Variants in PARD3 observed in about 807,000 individuals in gnomAD.
The protein encoded by PARD3 is partitioning defective 3 homolog.
In PARD3, 75 loss-of-function variants were observed where a neutral mutation model predicts 155.4. The ratio of observed to expected loss-of-function variants is 0.48; its 90% CI spans 0.40 to 0.58. The LOEUF (loss-of-function observed/expected upper bound fraction) is 0.58. PARD3 is among the 20% of genes least tolerant of loss of function. PARD3 has a pLI of 0.00. For missense variants in PARD3, 1,642 were observed against 1,721.7 expected, an observed-to-expected ratio of 0.95 and a Z score of 0.82; for synonymous variants, 576 against 610.5, an observed-to-expected ratio of 0.94 and a Z score of 0.83.
At chr10:34,317,440 G>A in intron 19 of PARD3, 102 bp from the exon 20 acceptor site, 1 of 1,223,048 alleles carries the variant, frequency 8.2e-7, no homozygotes. Flanking sequence ...CACTTTTACT[G>A]CAGTATGGCC....
At chr10:34,522,702 T>A (rs1013131142) in intron 2 of PARD3, among the ~76,000 whole-genome samples, 1 of 152,172 alleles carries the variant, frequency 6.6e-6, no homozygotes, top group South Asian at 2.1e-4. Context: ...ATGTTCAACA[T>A]AGATATGGCA....
chr10:34,520,212 G>T (rs1236553199), intron 2 of PARD3, among the ~76,000 whole-genome samples: 2 of 151,856 alleles, frequency 1.3e-5, no homozygotes, highest in Non-Finnish European at 2.9e-5. Flanking sequence ...ATTTATCATC[G>T]ACACAACAAA....
At chr10:34,609,555 T>C (rs7098167) in intron 2 of PARD3, among the ~76,000 whole-genome samples, 9,142 of 152,218 alleles carry the variant, frequency 0.06, 860 homozygotes, top group African/African-American at 0.2. Context: ...TCTTTTTGTT[T>C]GTTTAGAGAC....
chr10:34,463,793 ACTT>A (rs1169354592), intron 4 of PARD3, among the ~76,000 whole-genome samples: 3 of 152,238 alleles, frequency 2.0e-5, no homozygotes, highest in Non-Finnish European at 1.5e-5. Context: ...TTTTTACTAT[ACTT>A]CTTCTATGTT....
At chr10:34,573,762 CACACACACACACACACACACACAG>C (rs2086658493) in intron 2 of PARD3, among the ~76,000 whole-genome samples, 3 of 151,644 alleles carry the variant, frequency 2.0e-5, no homozygotes, top group African/African-American at 7.3e-5. Flanking sequence ...CACACACACA[CACACACACACACACACACACACAG>C]AGAATCAGCC....
Position 34,375,053 on chromosome 10 carries a change from A to AACACACACAC in PARD3, c.1540-61_1540-52dup, listed in dbSNP as rs35263377. Reference sequence around the variant, plus strand: ...TGTAATCCTGTGGAAACAACAGGAAAACACACACACACACACACACACACA... The same window carrying AACACACACAC: ...TGTAATCCTGTGGAAACAACAGGAAAACACACACACACACACACACACACACACACACACA... On this transcript the variant is annotated intron_variant, in intron 10 of 24. Coordinates refer to ENST00000374788, the MANE Select transcript of PARD3 (RefSeq NM_001184785.2). 6.1e-3 allele frequency: 4,785 copies of AACACACACAC among 783,154 alleles called. 96 individuals are homozygous for AACACACACAC. The African/African-American group carries it at 0.062, about 10-fold the overall frequency. The allele number at this position is 783,154 out of a possible 1,614,324, so 48.5% of individuals were successfully genotyped here. A position where few individuals can be genotyped will look rare whatever the true frequency, so the allele number is the denominator to read the frequency against.
At chr10:34,233,819 C>G (rs772383265) in intron 22 of PARD3, among the ~76,000 whole-genome samples, 1 of 152,100 alleles carries the variant, frequency 6.6e-6, no homozygotes, top group Non-Finnish European at 1.5e-5. Context: ...CTCACACAGG[C>G]TTCCCTGCCT....
intron 20 of PARD3, among the ~76,000 whole-genome samples, chr10:34,297,468 C>T (rs917718725): frequency 2.0e-5 from 3 of 152,182 alleles, no homozygotes; most frequent in African/African-American, 4.8e-5. Flanking sequence ...ACGTAGCACA[C>T]TGCTGGCAGA....
At chr10:34,670,332 C>A (rs2093588419) in intron 2 of PARD3, among the ~76,000 whole-genome samples, 1 of 152,254 alleles carries the variant, frequency 6.6e-6, no homozygotes, top group African/African-American at 2.4e-5. Context: ...GCCGCTGGCT[C>A]TCAGGCAGGT....
chr10:34,173,871 GTGAA>G (rs1332355597), intron 22 of PARD3, among the ~76,000 whole-genome samples: 1 of 152,176 alleles, frequency 6.6e-6, no homozygotes, highest in East Asian at 1.9e-4. Flanking sequence ...AGTTTAACTG[GTGAA>G]TGTGGCCCCA....
chr10:34,395,476 G>A (rs957819457), intron 7 of PARD3, among the ~76,000 whole-genome samples: 20 of 152,120 alleles, frequency 1.3e-4, no homozygotes, highest in East Asian at 5.8e-4. Flanking sequence ...TAATGAAACC[G>A]TGAACGAATA....
chr10:34,345,181 T>C (rs1395755808), intron 15 of PARD3: 4 of 985,176 alleles, frequency 4.1e-6, no homozygotes, highest in Non-Finnish European at 4.8e-6. Flanking sequence ...TCATGGGATA[T>C]CAGGACTTAG....
intron 7 of PARD3, among the ~76,000 whole-genome samples, chr10:34,386,639 A>G (rs2132040342): frequency 6.6e-6 from 1 of 152,144 alleles, no homozygotes; most frequent in Non-Finnish European, 1.5e-5. Flanking sequence ...ACTGACCAAT[A>G]TGGAGAAACC....
intron 22 of PARD3, among the ~76,000 whole-genome samples, chr10:34,215,091 C>T (rs1213898061): frequency 1.3e-5 from 2 of 152,166 alleles, no homozygotes; most frequent in Non-Finnish European, 2.9e-5. Context: ...AAAGATAAAA[C>T]CTGAAACTTT....
intron 1 of PARD3, among the ~76,000 whole-genome samples, chr10:34,779,148 TA>T (rs1839941950): frequency 6.6e-6 from 1 of 150,930 alleles, no homozygotes; most frequent in Non-Finnish European, 1.5e-5. Context: ...CTGTCTCTAC[TA>T]AAAATACAAA....
intron 22 of PARD3, among the ~76,000 whole-genome samples, chr10:34,206,579 C>T (rs78759960): frequency 0.018 from 2,759 of 152,296 alleles, 80 homozygotes; most frequent in East Asian, 0.13. Flanking sequence ...TGTTGCATCT[C>T]CCTGACTGCT....
Position 34,439,948 on chromosome 10 carries a change from T to C in PARD3, c.714+10369A>G, listed in dbSNP as rs146208566. Among the ~76,000 whole-genome samples, 954 of 152,170 alleles carry C rather than the reference T, an allele frequency of 6.3e-3. 9 individuals are homozygous for C. The highest frequency in any genetic ancestry group is 0.022 in the African/African-American group (907 of 41,538). On this transcript the variant is annotated intron_variant, in intron 5 of 24. Transcript: ENST00000374788. ...AAAATTCAAAAATAAAGGAAAAACA[T>C]GGCTCATATATCTACAGAAGTCACA...
At chr10:34,751,626 T>C (rs1202733495) in intron 1 of PARD3, among the ~76,000 whole-genome samples, 1 of 152,224 alleles carries the variant, frequency 6.6e-6, no homozygotes, top group Middle Eastern at 3.4e-3. Context: ...TTTTTTGAGA[T>C]GGGGTCTTGC....
At chr10:34,734,240 T>A (rs778601953) in intron 1 of PARD3, among the ~76,000 whole-genome samples, 40 of 151,416 alleles carry the variant, frequency 2.6e-4, no homozygotes, top group South Asian at 4.2e-4. Flanking sequence ...CAAAAAGGCA[T>A]GTGAGTGATA....
Sources: allele counts gnomAD v4.1 joint callset (sites outside exome capture counted in the v4.1 genomes callset), GRCh38; gene constraint gnomAD v4.1.1; transcripts MANE v1.5; gene names NCBI Gene and HGNC (gene_info 2026-07-23, HGNC 2026-07-21).